Variants in ITFG2 observed in about 807,000 individuals in gnomAD.
ITFG2 encodes the protein KICSTOR complex protein ITFG2.
In ITFG2, 36 loss-of-function variants were observed where a neutral mutation model predicts 54.4. That is an observed-to-expected ratio of 0.66 (90% CI 0.51 to 0.87). The LOEUF is 0.87. Ranked by LOEUF, ITFG2 falls within the 40% of genes least tolerant of loss-of-function variation. The probability of loss-of-function intolerance (pLI) is 0.00; values close to 1 mark genes in which losing one functional copy is unlikely to be tolerated. For synonymous variants in ITFG2, 211 were observed against 225.4 expected, an observed-to-expected ratio of 0.94 and a Z score of 0.57; for missense variants, 524 against 576.7, an observed-to-expected ratio of 0.91 and a Z score of 0.94.
chr12:2,828,460 G>A (rs926073577), downstream of ITFG2: 1 of 1,453,832 alleles, frequency 6.9e-7, no homozygotes, highest in Middle Eastern at 1.7e-4. Context: ...CTAGGAGAAT[G>A]GGTTGGAATT....
At chr12:2,843,025 G>A (rs1282965005) in intron 2 of ITFG2, among the ~76,000 whole-genome samples, 1 of 152,094 alleles carries the variant, frequency 6.6e-6, no homozygotes, top group Non-Finnish European at 1.5e-5. Flanking sequence ...GCTGAATAGT[G>A]CCAATTCTTG....
intron 2 of ITFG2, chr12:2,849,409 T>C: frequency 6.5e-7 from 1 of 1,536,118 alleles, no homozygotes; most frequent in Non-Finnish European, 8.7e-7. Context: ...CTTCTCCTGG[T>C]AGTGAGGCAG....
At chr12:2,826,958 G>A, downstream of ITFG2, 2 of 1,325,636 alleles carry the variant, frequency 1.5e-6, no homozygotes, top group South Asian at 3.5e-5. Context: ...CTTTTCTTGG[G>A]AGGAAGATGA....
chr12:2,820,520 G>C (rs1011344599), intron 5 of ITFG2, among the ~76,000 whole-genome samples: 1 of 152,120 alleles, frequency 6.6e-6, no homozygotes, highest in African/African-American at 2.4e-5. Context: ...CATGTGGTCT[G>C]TGTGGAGAGG....
At chr12:2,855,590 C>A in intron 2 of ITFG2, 1 of 547,208 alleles carries the variant, frequency 1.8e-6, no homozygotes, top group East Asian at 3.2e-5. Flanking sequence ...GGCAGGGCCG[C>A]ATCTCCATCC....
At chr12:2,851,270 G>T (rs1027808340) in intron 2 of ITFG2, among the ~76,000 whole-genome samples, 1 of 152,252 alleles carries the variant, frequency 6.6e-6, no homozygotes, top group Admixed American at 6.5e-5. Flanking sequence ...GTGAGTGAGT[G>T]AATGTGAAGG....
intron 2 of ITFG2, chr12:2,857,280 G>A (rs1003243990): frequency 3.7e-6 from 2 of 539,534 alleles, no homozygotes; most frequent in Non-Finnish European, 6.7e-6. Flanking sequence ...CAGAAGAAAA[G>A]CAGGGCAGGC....
Position 2,859,380 on chromosome 12 carries a change from T to C in ITFG2, n.621-154T>C, listed in dbSNP as rs777063139. On this transcript the variant is annotated intron_variant and non_coding_transcript_variant, in intron 3 of 3. Transcript: ENST00000537710. ...CCGGGTTGGGGACCTAAGCCCACTG[T>C]AGGACTTCTTGGGTCTTGGGGTGGG... 13 of 1,613,880 alleles carry C rather than the reference T, an allele frequency of 8.1e-6. No individual in the cohort carries two copies. Among genetic ancestry groups the C allele is most frequent in the Admixed American group, 3.3e-5 (2 of 59,992 alleles).
Position 2,859,097 on chromosome 12 carries a change from G to A in ITFG2, n.621-437G>A, listed in dbSNP as rs202090024. 6.0e-5 allele frequency: 97 copies of A among 1,606,976 alleles called. 1 individual carries two copies. In the South Asian group the frequency reaches 8.9e-4, roughly 15 times the overall value. On this transcript the variant is annotated intron_variant and non_coding_transcript_variant, in intron 3 of 3. Coordinates refer to the ITFG2 transcript ENST00000537710. Reference sequence around the variant, plus strand: ...TTCTGGGGAGGACAGATTTGCTCGGGGTGGAGGAGATGGGCAGCGTTTCCT... The same window carrying A: ...TTCTGGGGAGGACAGATTTGCTCGGAGTGGAGGAGATGGGCAGCGTTTCCT...
chr12:2,857,735 C>G (rs984452562), intron 2 of ITFG2: 1 of 152,566 alleles, frequency 6.6e-6, no homozygotes, highest in Non-Finnish European at 1.5e-5. Context: ...GGCTCACACC[C>G]ATGCGGTCAG....
chr12:2,851,096 GGCAGTGA>G (rs1293251234), intron 2 of ITFG2, among the ~76,000 whole-genome samples: 3 of 149,996 alleles, frequency 2.0e-5, no homozygotes, highest in Non-Finnish European at 3.0e-5. Context: ...GAACCCAGGA[GGCAGTGA>G]GCAGTGCCGA....
chr12:2,827,076 AG>A, downstream of ITFG2: 1 of 1,504,768 alleles, frequency 6.6e-7, no homozygotes, highest in South Asian at 1.3e-5. The surrounding 1 kb of genome is among the most constrained non-coding windows in gnomAD (Gnocchi z 4.0). Context: ...ATGGGACAGC[AG>A]GGGTCAGGGA....
chr12:2,846,935 G>A (rs1206744802), intron 2 of ITFG2, among the ~76,000 whole-genome samples: 3 of 152,096 alleles, frequency 2.0e-5, no homozygotes, highest in African/African-American at 7.2e-5. Flanking sequence ...ATTTTAAAGT[G>A]TACGTACACT....
chr12:2,813,568 A>G lies in ITFG2; in HGVS notation c.96+712A>G, dbSNP rs148046345. 1.2e-3 allele frequency among the ~76,000 whole-genome samples: 188 copies of G among 152,348 alleles called. 1 individual carries two copies. The highest frequency in any genetic ancestry group is 3.4e-3 in the African/African-American group (143 of 41,590). On this transcript the variant is annotated intron_variant, in intron 1 of 11. Transcript: ENST00000228799. The stretch of plus-strand genomic sequence containing the variant: ...TGTAATGAGATGCATTGACTAAAGT[A>G]TGGAGAGGATTCTCCGGTGGAGCAT...
intron 2 of ITFG2, among the ~76,000 whole-genome samples, chr12:2,851,805 A>G (rs939765723): frequency 1.3e-5 from 2 of 151,762 alleles, no homozygotes; most frequent in Admixed American, 1.3e-4. Flanking sequence ...CAGCCTCCCC[A>G]GTAGCTGGGA....
intron 5 of ITFG2, among the ~76,000 whole-genome samples, chr12:2,820,505 G>A (rs766314375): frequency 1.6e-4 from 24 of 152,128 alleles, no homozygotes; most frequent in Non-Finnish European, 2.5e-4. Context: ...ATGCACAGGG[G>A]AAAGCATGTG....
chr12:2,854,635 C>T (rs2098081452), intron 2 of ITFG2, among the ~76,000 whole-genome samples: 1 of 152,200 alleles, frequency 6.6e-6, no homozygotes, highest in Admixed American at 6.5e-5. Context: ...GGCACTGAGT[C>T]ACACTTCTCT....
chr12:2,822,745 A>T (rs1403624005), intron 9 of ITFG2, 49 bp from the exon 10 acceptor site: 1 of 1,505,740 alleles, frequency 6.6e-7, no homozygotes, highest in Non-Finnish European at 9.2e-7. Context: ...GTCATCCAGA[A>T]TCCAGTCCAC....
At chr12:2,852,905 A>G (rs989025816) in intron 2 of ITFG2, among the ~76,000 whole-genome samples, 2 of 151,748 alleles carry the variant, frequency 1.3e-5, no homozygotes, top group Non-Finnish European at 2.9e-5. Flanking sequence ...AGGCTGAGGC[A>G]GGGAGAATGG....
Sources: gnomAD v4.1 joint callset for allele counts (sites outside exome capture counted in the v4.1 genomes callset) on GRCh38, gnomAD v4.1.1 for gene constraint, Gnocchi (gnomAD v3.1) non-coding constraint, MANE v1.5 for transcripts, NCBI Gene and HGNC (gene_info 2026-07-23, HGNC 2026-07-21) for gene names.